Variants in ITPK1 observed in about 807,000 individuals in gnomAD.
ITPK1 encodes the protein inositol 1,3,4-trisphosphate 5/6-kinase.
Under a neutral mutation model 45.3 loss-of-function variants are expected in ITPK1, and 21 were observed. That is an observed-to-expected ratio of 0.46 (90% CI 0.33 to 0.67). The LOEUF (loss-of-function observed/expected upper bound fraction) is 0.67, where lower values mean the gene tolerates loss of function less well. Ranked by LOEUF, ITPK1 falls within the 30% of genes least tolerant of loss-of-function variation. The pLI, the probability that ITPK1 is intolerant of heterozygous loss-of-function variation, is 0.02. For missense variants in ITPK1, 474 were observed against 573.5 expected, an observed-to-expected ratio of 0.83 and a Z score of 1.77; for synonymous variants, 258 against 253.6, an observed-to-expected ratio of 1.02 and a Z score of -0.16.
chr14:92,990,479 A>G (rs1341054371), intron 5 of ITPK1, among the ~76,000 whole-genome samples: 1 of 152,178 alleles, frequency 6.6e-6, no homozygotes, highest in Admixed American at 6.5e-5. Context: ...CATTTAAGCC[A>G]CCATGATTTT....
In ITPK1 at chr14:92,962,391, G is replaced by A; in HGVS notation, c.468C>T (p.Cys156=). Residue 156 remains cysteine, a synonymous_variant, in exon 7 of 11, where the codon TGC becomes TGT. Coordinates refer to ENST00000267615, the MANE Select transcript of ITPK1 (RefSeq NM_014216.6). ...TGGTGCCATGAGCCACTCTGGTTTT[G>A]CAAACTATGGGTTGGGGAGAGAAAA... ...EKNGLTFPFI[C]KTRVAHGTNS... 6.2e-7 allele frequency: 1 copy of A among 1,607,018 alleles called. No individual in the cohort carries two copies. Among genetic ancestry groups the A allele is most frequent in the Non-Finnish European group, 8.5e-7 (1 of 1,173,522 alleles).
At chr14:93,001,215 C>T (rs1208212578) in intron 4 of ITPK1, among the ~76,000 whole-genome samples, 2 of 152,046 alleles carry the variant, frequency 1.3e-5, no homozygotes, top group African/African-American at 4.8e-5. Flanking sequence ...ATCGCTTGTA[C>T]CTGGGAGGCA....
intron 3 of ITPK1, among the ~76,000 whole-genome samples, chr14:93,030,110 T>C (rs1888958401): frequency 6.6e-6 from 1 of 152,182 alleles, no homozygotes; most frequent in Admixed American, 6.5e-5. Context: ...CAGGCTGCAC[T>C]CCCTTCCAAC....
At chr14:93,052,163 T>C (rs1890042103) in intron 3 of ITPK1, among the ~76,000 whole-genome samples, 2 of 152,234 alleles carry the variant, frequency 1.3e-5, no homozygotes, top group South Asian at 4.1e-4. Flanking sequence ...GCAAGTTATT[T>C]AACCTTTCTC....
chr14:93,018,851 G>A lies in ITPK1; in HGVS notation c.121-2050C>T, dbSNP rs139500012. The stretch of plus-strand genomic sequence containing the variant: ...CAAGGCCATGCAGGTGAAGCGGCCA[G>A]GATGGAGGCTGTGCAGCAATGCCCA... On this transcript the variant is annotated intron_variant, in intron 3 of 10. Coordinates refer to ENST00000267615, the MANE Select transcript of ITPK1 (RefSeq NM_014216.6). 3.3e-4 allele frequency among the ~76,000 whole-genome samples: 51 copies of A among 152,370 alleles called. 1 individual carries two copies. Among genetic ancestry groups the A allele is most frequent in the African/African-American group, 1.0e-3 (43 of 41,588 alleles).
intron 2 of ITPK1, among the ~76,000 whole-genome samples, chr14:93,092,235 G>T (rs1024157815): frequency 2.0e-5 from 3 of 152,192 alleles, no homozygotes; most frequent in African/African-American, 4.8e-5. Flanking sequence ...CCATGGAAAG[G>T]CTACCACAGC....
chr14:92,984,706 A>T (rs1449653268), intron 5 of ITPK1, among the ~76,000 whole-genome samples: 1 of 152,162 alleles, frequency 6.6e-6, no homozygotes, highest in East Asian at 1.9e-4. Context: ...GATTATGCTG[A>T]CACTCCACAA....
At chr14:93,066,306 ATG>A (rs530096242) in intron 3 of ITPK1, 105 of 429,634 alleles carry the variant, frequency 2.4e-4, no homozygotes, top group Admixed American at 5.0e-4. Context: ...GTGCGCGTGC[ATG>A]TGTGTGTGTG....
intron 3 of ITPK1, among the ~76,000 whole-genome samples, chr14:93,054,075 G>A (rs529795025): frequency 1.1e-4 from 17 of 152,302 alleles, no homozygotes; most frequent in Admixed American, 3.3e-4. Context: ...AACCCTGACT[G>A]AACATCTTCT....
At chr14:93,057,217 A>G (rs933361242) in intron 3 of ITPK1, among the ~76,000 whole-genome samples, 1 of 152,066 alleles carries the variant, frequency 6.6e-6, no homozygotes, top group Non-Finnish European at 1.5e-5. Flanking sequence ...CATCACCCAG[A>G]CTCCAAATCC....
intron 5 of ITPK1, among the ~76,000 whole-genome samples, chr14:92,989,281 C>A (rs1886656876): frequency 6.6e-6 from 1 of 152,152 alleles, no homozygotes; most frequent in African/African-American, 2.4e-5. Context: ...CCAGGGAGGC[C>A]TGGGATCCCA....
Position 92,946,458 on chromosome 14 carries a change from G to A in ITPK1, c.774C>T (p.Ser258=), listed in dbSNP as rs554864974. The change falls in exon 10 of 11, where the codon AGC becomes AGT. Residue 258 remains serine (S), a synonymous_variant. Coordinates refer to ENST00000267615, the MANE Select transcript of ITPK1 (RefSeq NM_014216.6). ...DKIEGVFERP[S]DEVIRELSRA... ...GGGAGAGCTCCCGGATGACCTCGTC[G>A]CTCGGCCGCTCGAACACGCCCTCGA... 11 of 1,612,746 alleles carry A rather than the reference G, an allele frequency of 6.8e-6. No individual in the cohort carries two copies. The highest frequency in any genetic ancestry group is 5.0e-5 in the Admixed American group (3 of 60,028).
intron 5 of ITPK1, among the ~76,000 whole-genome samples, chr14:92,985,533 T>C (rs190693425): frequency 6.6e-6 from 1 of 151,516 alleles, no homozygotes; most frequent in Admixed American, 6.6e-5. Context: ...TAGTAGCCAA[T>C]AAAGAGATTT....
chr14:93,016,128 G>A lies in ITPK1; in HGVS notation c.246+548C>T, dbSNP rs1168308507. Among the ~76,000 whole-genome samples the A allele has an allele frequency of 2.6e-5, 4 of 152,196 alleles. No individual in the cohort carries two copies. Among genetic ancestry groups the A allele is most frequent in the Admixed American group, 1.3e-4 (2 of 15,282 alleles). On this transcript the variant is annotated intron_variant, in intron 4 of 10. Transcript: ENST00000267615. The surrounding 1 kb of genome is among the most constrained non-coding windows in gnomAD (Gnocchi z 5.0). ...CAGGGCAGTGGGCAGGTCACTGTGC[G>A]ATCAGGACCTGGGAGGCCGCTGGGG...
chr14:93,088,341 G>GTTTTT (rs1179019290), intron 2 of ITPK1, among the ~76,000 whole-genome samples: 3 of 132,718 alleles, frequency 2.3e-5, no homozygotes, highest in African/African-American at 2.8e-5. Context: ...GTTTTGTTTT[G>GTTTTT]TTTTTTTTTT....
intron 3 of ITPK1, chr14:93,068,447 T>C (rs902701246): frequency 6.6e-6 from 1 of 152,352 alleles, no homozygotes; most frequent in Non-Finnish European, 1.5e-5. Flanking sequence ...GCCCAGGATA[T>C]GGGTGGACCG....
chr14:93,100,564 GAGAGAGAGAC>G (rs1393161779), intron 2 of ITPK1, among the ~76,000 whole-genome samples: 1 of 146,458 alleles, frequency 6.8e-6, no homozygotes, highest in Non-Finnish European at 1.5e-5. Context: ...GAGACAGAGA[GAGAGAGAGAC>G]AGACAGACAG....
At chr14:93,020,160 A>T (rs1695428202) in intron 3 of ITPK1, among the ~76,000 whole-genome samples, 2 of 152,162 alleles carry the variant, frequency 1.3e-5, no homozygotes, top group Non-Finnish European at 2.9e-5. Flanking sequence ...GAAGGCAGAG[A>T]CTTACTAGAG....
intron 2 of ITPK1, among the ~76,000 whole-genome samples, chr14:93,101,793 T>C (rs368244120): frequency 4.4e-4 from 67 of 152,286 alleles, no homozygotes; most frequent in African/African-American, 1.6e-3. Flanking sequence ...GAGGTTGCAG[T>C]GACCTGAGAT....
Sources: allele counts gnomAD v4.1 joint callset (sites outside exome capture counted in the v4.1 genomes callset), GRCh38; gene constraint gnomAD v4.1.1; non-coding constraint Gnocchi (gnomAD v3.1); transcripts MANE v1.5; gene names NCBI Gene and HGNC (gene_info 2026-07-23, HGNC 2026-07-21).